The following COPA variants were observed in gnomAD, a reference collection of about 807,000 sequenced individuals.
COPA encodes coat protein complex I subunit alpha, also known as coatomer subunit alpha.
Under a neutral mutation model 158.7 loss-of-function variants are expected in COPA, and 10 were observed. That is an observed-to-expected ratio of 0.06 (90% confidence interval 0.04 to 0.11). COPA has a LOEUF of 0.11. Among genes scored for constraint, COPA ranks in the 10% least tolerant of loss-of-function variants. COPA has a pLI of 1.00. For synonymous variants in COPA, 462 were observed against 542.8 expected (o/e 0.85, Z 2.07); for missense variants, 1,065 against 1,536.7 (o/e 0.69, Z 5.13).
At chr1:160,320,847 CTA>C (rs952828706) in intron 8 of COPA, among the ~76,000 whole-genome samples, 23 of 141,746 alleles carry the variant, frequency 1.6e-4, no homozygotes, top group Non-Finnish European at 3.1e-4. Context: ...CAAACTCATT[CTA>C]TGAGGCCAGC....
intron 8 of COPA, among the ~76,000 whole-genome samples, chr1:160,315,737 T>C (rs972598110): frequency 2.0e-5 from 3 of 152,008 alleles, no homozygotes; most frequent in Admixed American, 2.0e-4. Flanking sequence ...AAATAAACAA[T>C]AGCAAACAGG....
At chr1:160,343,029 G>T in intron 1 of COPA, 102 bp downstream of exon 1, 1 of 1,407,478 alleles carries the variant, frequency 7.1e-7, no homozygotes, top group African/African-American at 1.4e-5. Flanking sequence ...GGTCCGTCTG[G>T]TGGGCCCATT....
Position 160,297,328 on chromosome 1 carries a change from G to C in COPA, c.2263+15C>G, listed in dbSNP as rs776817709. 3.1e-6 allele frequency: 5 copies of C among 1,611,378 alleles called. No individual in the cohort carries two copies. The highest frequency in any genetic ancestry group is 2.2e-5 in the East Asian group (1 of 44,864). On this transcript the variant is annotated intron_variant, in intron 21 of 32. Transcript: ENST00000241704. ...CCTCAGACCCTGAAAAAGCTGGCAAGTCTCGGATACTTACTCTGTCCACAG... is the reference window on the plus strand; with the variant it reads ...CCTCAGACCCTGAAAAAGCTGGCAACTCTCGGATACTTACTCTGTCCACAG...
chr1:160,317,469 A>C, intron 8 of COPA: 1 of 1,609,506 alleles, frequency 6.2e-7, no homozygotes, highest in Non-Finnish European at 8.5e-7. Context: ...AATATATTAA[A>C]CTCAAAGTCA....
At chr1:160,294,374 T>C in intron 25 of COPA, 110 bp downstream of exon 25, 1 of 870,732 alleles carries the variant, frequency 1.1e-6, no homozygotes. Flanking sequence ...CTTAGGATAG[T>C]GGTAGGGGAT....
intron 17 of COPA, among the ~76,000 whole-genome samples, chr1:160,299,646 A>G (rs1658534498): frequency 6.6e-6 from 1 of 152,148 alleles, no homozygotes; most frequent in Non-Finnish European, 1.5e-5. Context: ...ATAAAAAACA[A>G]AGTATTTTGA....
intron 14 of COPA, 37 bp downstream of exon 14, chr1:160,307,126 C>T: frequency 6.2e-7 from 1 of 1,602,744 alleles, no homozygotes; most frequent in Non-Finnish European, 8.5e-7. Flanking sequence ...TGCCACCACA[C>T]TCCCCAAATT....
chr1:160,304,023 CT>C (rs910278448), intron 17 of COPA, among the ~76,000 whole-genome samples: 12 of 148,004 alleles, frequency 8.1e-5, no homozygotes, highest in African/African-American at 9.9e-5. Context: ...ATTTTTTGTT[CT>C]TTTTTTTTTG....
At chr1:160,298,039 G>A (rs1658471210) in intron 19 of COPA, among the ~76,000 whole-genome samples, 1 of 151,992 alleles carries the variant, frequency 6.6e-6, no homozygotes, top group South Asian at 2.1e-4. Flanking sequence ...AAATTAGCTG[G>A]GAATCATGGT....
intron 8 of COPA, among the ~76,000 whole-genome samples, chr1:160,323,071 A>G (rs1659381133): frequency 6.6e-6 from 1 of 152,128 alleles, no homozygotes; most frequent in South Asian, 2.1e-4. Flanking sequence ...TTGCAGCAAA[A>G]TGGATGGAAC....
Position 160,288,819 on chromosome 1 carries a change from AG to A in COPA, c.*1337del, listed in dbSNP as rs1486748045. 1.3e-5 allele frequency among the ~76,000 whole-genome samples: 2 copies of A among 152,206 alleles called. No individual in the cohort carries two copies. The highest frequency in any genetic ancestry group is 4.1e-4 in the South Asian group (2 of 4,830). ...CATGTAAAATATCTAGAACAGTGAC[AG>A]TCACATGGCAGGTGCTCAATAAATA... On this transcript the variant is annotated 3_prime_UTR_variant, in exon 33 of 33. Transcript: ENST00000241704.
intron 11 of COPA, 143 bp downstream of exon 11, chr1:160,311,725 C>T (rs904197996): frequency 2.4e-4 from 185 of 784,796 alleles, no homozygotes; most frequent in Non-Finnish European, 2.6e-4. Flanking sequence ...CCAGCCTGGG[C>T]GACAAAGCGA....
At chr1:160,315,215 G>GT (rs1473906324) in intron 8 of COPA, among the ~76,000 whole-genome samples, 2 of 152,218 alleles carry the variant, frequency 1.3e-5, no homozygotes, top group African/African-American at 4.8e-5. Flanking sequence ...GACTGAGGAG[G>GT]TCAACTACCT....
chr1:160,334,614 A>G (rs1270818959), intron 4 of COPA, among the ~76,000 whole-genome samples: 2 of 152,242 alleles, frequency 1.3e-5, no homozygotes, highest in Non-Finnish European at 2.9e-5. Flanking sequence ...ACTTAATTAA[A>G]GAGACTTAAT....
Position 160,292,026 on chromosome 1 carries a change from G to C in COPA, c.3133C>G (p.Gln1045Glu). ...SVPLLVVDNKQEIAEAQQLIT... is the reference protein window; with the variant it reads ...SVPLLVVDNKEEIAEAQQLIT... Reference sequence around the variant, plus strand: ...GACCCTCCTACCTCTGCAATCTCTTGTTTATTGTCCACAACAAGAAGTGGC... The same window carrying C: ...GACCCTCCTACCTCTGCAATCTCTTCTTTATTGTCCACAACAAGAAGTGGC... The change falls in exon 29 of 33, where the codon CAA becomes GAA. Residue 1045 changes from glutamine (Q) to glutamate (E), a missense_variant. Around this residue, in one of 2 missense-constraint regions of COPA, gnomAD observed 980 missense variants for 1,357.8 expected, o/e 0.72. Transcript: ENST00000241704. The C allele has an allele frequency of 6.2e-7, 1 of 1,614,196 alleles. No individual in the cohort carries two copies. The highest frequency in any genetic ancestry group is 8.5e-7 in the Non-Finnish European group (1 of 1,180,034).
At chr1:160,331,186 CAT>C (rs1483784300) in intron 6 of COPA, among the ~76,000 whole-genome samples, 1 of 152,116 alleles carries the variant, frequency 6.6e-6, no homozygotes, top group East Asian at 1.9e-4. Context: ...AGGTACAGTC[CAT>C]TCTCTACATT....
At chr1:160,305,246 ATTTG>A (rs1173480851) in intron 17 of COPA, 183 bp downstream of exon 17, 1 of 542,914 alleles carries the variant, frequency 1.8e-6, no homozygotes, top group African/African-American at 1.9e-5. Flanking sequence ...AATTGTCTAT[ATTTG>A]TTTTAGATTT....
rs1659020609 is a variant in COPA at position 160,313,103 on chromosome 1, G to A, written c.907C>T (p.Leu303Phe). 2 of 1,614,086 alleles carry A rather than the reference G, an allele frequency of 1.2e-6. No homozygotes were observed. Among genetic ancestry groups the A allele is most frequent in the South Asian group, 2.2e-5 (2 of 91,080 alleles). Residue 303 changes from leucine to phenylalanine, a missense_variant, in exon 10 of 33, where the codon CTT becomes TTT. Leu to Phe is a conservative substitution (Grantham distance 22, BLOSUM62 0). This residue lies in a region of COPA where 980 missense variants were observed against 1,357.8 expected (regional missense o/e 0.72). Transcript: ENST00000241704. ...CCCTTACCTGCTGCAAAGAGGTTAA[G>A]GTTAGGGTGAGCAGCTAGGACCCAG... Reference protein sequence around the residue: ...RFWVLAAHPNLNLFAAGHDGG... With the variant: ...RFWVLAAHPNFNLFAAGHDGG...
intron 27 of COPA, 58 bp from the exon 28 acceptor site, chr1:160,292,678 C>T (rs1658280127): frequency 7.0e-7 from 1 of 1,427,102 alleles, no homozygotes; most frequent in Admixed American, 2.3e-5. Flanking sequence ...AGCTACTTTT[C>T]CTTGGGCAAG....
Sources: gnomAD v4.1 joint callset for allele counts (sites outside exome capture counted in the v4.1 genomes callset) on GRCh38, gnomAD v4.1.1 for gene constraint, gnomAD v4.1.1 regional missense constraint, MANE v1.5 for transcripts, NCBI Gene and HGNC (gene_info 2026-07-23, HGNC 2026-07-21) for gene names.